CEACAM1: variants seen among roughly 807,000 people sequenced by gnomAD.
CEACAM1 encodes CEA cell adhesion molecule 1.
CEACAM1 carries 31 observed loss-of-function variants against 49.1 expected under a neutral mutation model. The observed-to-expected ratio is 0.63, with a 90% CI of 0.47 to 0.85. The LOEUF is 0.85. CEACAM1 is among the 40% of genes least tolerant of loss of function. The pLI is 0.00. For synonymous variants in CEACAM1, 244 were observed against 247.8 expected (o/e 0.98, Z 0.14); for missense variants, 570 against 645.3 (o/e 0.88, Z 1.26).
At chr19:42,521,163 C>T in intron 4 of CEACAM1, 104 bp downstream of exon 4, 9 of 1,291,236 alleles carry the variant, frequency 7.0e-6, no homozygotes, top group Non-Finnish European at 9.9e-6. Flanking sequence ...TTGTTTGTGC[C>T]TGTTGGATAC....
At chr19:42,510,780 G>C in intron 8 of CEACAM1, 109 bp downstream of exon 8, 1 of 980,550 alleles carries the variant, frequency 1.0e-6, no homozygotes, top group Admixed American at 1.7e-5. Flanking sequence ...TTGTTGCACT[G>C]AGGAACATTA....
chr19:42,528,338 C>T lies in CEACAM1; in HGVS notation c.37G>A (p.Val13Ile). 1.2e-6 allele frequency: 2 copies of T among 1,613,986 alleles called. No individual in the cohort carries two copies. The highest frequency in any genetic ancestry group is 1.7e-6 in the Non-Finnish European group (2 of 1,179,924). ...HLSAPLHRVR[V>I]PWQGLLLTAS... Reference sequence around the variant, plus strand: ...GTGAGCAGAAGCCCCTGCCAGGGTACACGCACTCTGTGAAGTGGGGCTGAG... The same window carrying T: ...GTGAGCAGAAGCCCCTGCCAGGGTATACGCACTCTGTGAAGTGGGGCTGAG... Residue 13 changes from valine to isoleucine, a missense_variant, in exon 1 of 9, where the codon GTA becomes ATA. By Grantham distance (29) the Val-to-Ile change is conservative. Coordinates refer to ENST00000161559, the MANE Select transcript of CEACAM1 (RefSeq NM_001712.5).
chr19:42,518,644 C>A (rs1424398884), intron 5 of CEACAM1: 3 of 323,996 alleles, frequency 9.3e-6, no homozygotes, highest in South Asian at 8.0e-5. Context: ...ACTACAGGCG[C>A]CCGCCACCAT....
At chr19:42,521,075 C>G (rs1394446178) in intron 4 of CEACAM1, 192 bp downstream of exon 4, 6 of 656,822 alleles carry the variant, frequency 9.1e-6, no homozygotes, top group Non-Finnish European at 1.6e-5. Flanking sequence ...GACCTAAGGT[C>G]AGCTGTGAGA....
Position 42,527,332 on chromosome 19 carries a change from C to T in CEACAM1, c.133G>A (p.Val45Ile), listed in dbSNP as rs1430153812. The T allele has an allele frequency of 6.2e-7, 1 of 1,613,820 alleles. No homozygotes were observed. Among genetic ancestry groups the T allele is most frequent in the East Asian group, 2.2e-5 (1 of 44,882 alleles). ...AGAAGAACCTCCTTCCCCTCTGCAA[C>T]ATTGAATGGCATGGATTCAGTAGTG... Reference protein sequence around the residue: ...QLTTESMPFNVAEGKEVLLLV... With the variant: ...QLTTESMPFNIAEGKEVLLLV... Residue 45 changes from valine to isoleucine, a missense_variant, in exon 2 of 9, where the codon GTT becomes ATT. Physicochemically the swap from Val to Ile is conservative, Grantham distance 29. Coordinates refer to ENST00000161559, the MANE Select transcript of CEACAM1 (RefSeq NM_001712.5).
rs1204393700 is a variant in CEACAM1 at position 42,508,357 on chromosome 19, C to T, written c.*752G>A. On this transcript the variant is annotated 3_prime_UTR_variant, in exon 9 of 9. Transcript: ENST00000161559. ...TATAACCCCTCCCTCTCAGCACTGC[C>T]TTGAACAGAGCCCATAAAGATATTA... 6.6e-6 allele frequency: 1 copy of T among 152,310 alleles called. No homozygotes were observed. The highest frequency in any genetic ancestry group is 1.5e-5 in the Non-Finnish European group (1 of 68,104). 9.4% of individuals were successfully genotyped at this position (152,310 alleles called of 1,614,324 possible).
chr19:42,514,188 A>G (rs541491448), intron 5 of CEACAM1, among the ~76,000 whole-genome samples: 77 of 149,960 alleles, frequency 5.1e-4, no homozygotes, highest in Middle Eastern at 3.4e-3. Flanking sequence ...CTAGAGTGCA[A>G]TGGCGTGATC....
At chr19:42,524,639 T>G (rs1269203267) in intron 2 of CEACAM1, among the ~76,000 whole-genome samples, 38 of 152,100 alleles carry the variant, frequency 2.5e-4, no homozygotes, top group Admixed American at 2.5e-3. Flanking sequence ...ACAGTCAACC[T>G]TGTTAGACGG....
In CEACAM1 at chr19:42,509,050, A is replaced by G; in HGVS notation, c.*59T>C. 6.2e-7 allele frequency: 1 copy of G among 1,605,804 alleles called. No individual in the cohort carries two copies. Among genetic ancestry groups the G allele is most frequent in the Non-Finnish European group, 8.5e-7 (1 of 1,173,472 alleles). On this transcript the variant is annotated 3_prime_UTR_variant, in exon 9 of 9. Transcript: ENST00000161559. The stretch of plus-strand genomic sequence containing the variant: ...CCCCTACAGGGGAAAGGAATCTCCT[A>G]GTGATGAGGGTGAGAGACTTGAAAT...
intron 2 of CEACAM1, among the ~76,000 whole-genome samples, chr19:42,523,096 C>A (rs1394732405): frequency 6.6e-6 from 1 of 152,216 alleles, no homozygotes; most frequent in Non-Finnish European, 1.5e-5. Flanking sequence ...TGATGCCTGC[C>A]TGACCCACCT....
chr19:42,513,917 T>TAA (rs57183775), intron 5 of CEACAM1, among the ~76,000 whole-genome samples: 11 of 129,592 alleles, frequency 8.5e-5, no homozygotes, highest in African/African-American at 1.8e-4. Flanking sequence ...TATATATATA[T>TAA]AATATATAAA....
intron 2 of CEACAM1, among the ~76,000 whole-genome samples, chr19:42,522,977 GAGA>G (rs2041796939): frequency 6.6e-6 from 1 of 152,222 alleles, no homozygotes; most frequent in African/African-American, 2.4e-5. Context: ...CTCTGTGTGA[GAGA>G]AGCACAGACT....
intron 4 of CEACAM1, chr19:42,519,500 C>T (rs763652783): frequency 1.2e-4 from 53 of 431,504 alleles, no homozygotes; most frequent in Non-Finnish European, 1.9e-4. Flanking sequence ...TCTATATCTC[C>T]ACTTGGAATC....
At chr19:42,520,058 TA>T (rs1227582602) in intron 4 of CEACAM1, among the ~76,000 whole-genome samples, 1 of 152,268 alleles carries the variant, frequency 6.6e-6, no homozygotes, top group Non-Finnish European at 1.5e-5. Flanking sequence ...AGAGGAGTTT[TA>T]CTTCCTGGTC....
chr19:42,511,896 C>T (rs531609827), intron 6 of CEACAM1, among the ~76,000 whole-genome samples: 21 of 150,308 alleles, frequency 1.4e-4, no homozygotes, highest in Non-Finnish European at 2.5e-4. Context: ...TTTTGTTTTC[C>T]GGGGTAGATA....
rs1285786404 is a variant in CEACAM1, at chr19:42,528,479, G to T, written c.-105C>A. 1 of 1,107,294 alleles carries T rather than the reference G, an allele frequency of 9.0e-7. No individual in the cohort carries two copies. The highest frequency in any genetic ancestry group is 2.0e-5 in the Admixed American group (1 of 50,662). 68.6% of individuals were successfully genotyped at this position (1,107,294 alleles called of 1,614,324 possible). On this transcript the variant is annotated 5_prime_UTR_variant, in exon 1 of 9. Transcript: ENST00000161559. ...ACCTCTGCTGTTTTCCACTCTCTGT[G>T]CTGAGCCTCCTCCCTGGGGCCCAGA...
Position 42,508,853 on chromosome 19 carries a change from C to G in CEACAM1, c.*256G>C. 2 of 426,318 alleles carry G rather than the reference C, an allele frequency of 4.7e-6. No individual in the cohort carries two copies. Among genetic ancestry groups the G allele is most frequent in the East Asian group, 4.9e-5 (1 of 20,244 alleles). 26.4% of individuals were successfully genotyped at this position (426,318 alleles called of 1,614,324 possible). A position where few individuals can be genotyped will look rare whatever the true frequency, so the allele number is the denominator to read the frequency against. On this transcript the variant is annotated 3_prime_UTR_variant, in exon 9 of 9. Coordinates refer to ENST00000161559, the MANE Select transcript of CEACAM1 (RefSeq NM_001712.5). ...GAAGGGAGGGGAAGTTCTGGTCCCTCTTTCCCAAAGTCAGCTTTGCCAAAT... is the reference window on the plus strand; with the variant it reads ...GAAGGGAGGGGAAGTTCTGGTCCCTGTTTCCCAAAGTCAGCTTTGCCAAAT...
chr19:42,517,456 A>G (rs1472661033), intron 5 of CEACAM1, among the ~76,000 whole-genome samples: 1 of 152,242 alleles, frequency 6.6e-6, no homozygotes, highest in Non-Finnish European at 1.5e-5. Context: ...CAAAATATAT[A>G]AAGAACTACT....
intron 6 of CEACAM1, among the ~76,000 whole-genome samples, chr19:42,512,050 A>AT (rs895315062): frequency 3.3e-5 from 5 of 150,778 alleles, no homozygotes; most frequent in African/African-American, 7.3e-5. Context: ...TGCTTCTTTC[A>AT]TTTTTTCATT....
Sources: allele counts gnomAD v4.1 joint callset (sites outside exome capture counted in the v4.1 genomes callset), GRCh38; gene constraint gnomAD v4.1.1; transcripts MANE v1.5; gene names NCBI Gene and HGNC (gene_info 2026-07-23, HGNC 2026-07-21).